The following RNF217 variants were observed in gnomAD, a reference collection of about 807,000 sequenced individuals.
RNF217 encodes ring finger protein 217.
A neutral mutation model predicts 57.8 loss-of-function variants in RNF217; 31 were observed. The ratio of observed to expected loss-of-function variants is 0.54; its 90% CI spans 0.40 to 0.72. The LOEUF (loss-of-function observed/expected upper bound fraction) is 0.72, where lower values mean the gene tolerates loss of function less well. Ranked by LOEUF, RNF217 falls within the 30% of genes least tolerant of loss-of-function variation. The pLI, the probability that RNF217 is intolerant of heterozygous loss-of-function variation, is 0.00. For synonymous variants in RNF217, 313 were observed against 294.0 expected (o/e 1.06, Z -0.66); for missense variants, 696 against 708.3 (o/e 0.98, Z 0.20).
intron 1 of RNF217, among the ~76,000 whole-genome samples, chr6:124,972,931 C>T (rs1435141234): frequency 2.0e-5 from 3 of 152,146 alleles, no homozygotes; most frequent in Non-Finnish European, 2.9e-5. Flanking sequence ...CATTAGACTA[C>T]AAAGCTTGAT....
chr6:125,046,511 T>G, intron 2 of RNF217: 1 of 446,162 alleles, frequency 2.2e-6, no homozygotes, highest in South Asian at 1.6e-5. Context: ...TTTTTGAGCC[T>G]CACCAGGTGA....
intron 1 of RNF217, among the ~76,000 whole-genome samples, chr6:125,033,891 G>C (rs374178865): frequency 3.9e-5 from 6 of 152,028 alleles, no homozygotes; most frequent in South Asian, 4.2e-4. Flanking sequence ...GCCATTCTAA[G>C]TGGTGTGAGA....
chr6:125,033,643 C>T (rs1314122697), intron 1 of RNF217, among the ~76,000 whole-genome samples: 7 of 151,754 alleles, frequency 4.6e-5, no homozygotes, highest in South Asian at 2.1e-4. Flanking sequence ...TGAATAGTGC[C>T]GCAATAAACA....
chr6:124,990,271 C>G (rs1011633407), intron 1 of RNF217, among the ~76,000 whole-genome samples: 3 of 152,142 alleles, frequency 2.0e-5, no homozygotes, highest in Admixed American at 6.5e-5. Context: ...TTTATCTTCT[C>G]TATGTATGCT....
At chr6:125,074,342 TAGA>T (rs1426274810) in intron 3 of RNF217, among the ~76,000 whole-genome samples, 2 of 143,450 alleles carry the variant, frequency 1.4e-5, no homozygotes, top group Admixed American at 7.0e-5. Context: ...GATAGATAGA[TAGA>T]TAGATAGGGA....
In RNF217 at chr6:125,084,940, T is replaced by C. The variant is rs570689738; in HGVS notation, c.*2003T>C. The C allele has an allele frequency of 6.6e-6, 1 of 152,042 alleles. No individual in the cohort carries two copies. The highest frequency in any genetic ancestry group is 6.6e-5 in the Admixed American group (1 of 15,240). The allele number at this position is 152,042 out of a possible 1,614,324, so 9.4% of individuals were successfully genotyped here. A position where few individuals can be genotyped will look rare whatever the true frequency, so the allele number is the denominator to read the frequency against. Reference sequence around the variant, plus strand: ...AAGAGTAAGGTTTCGTAAATTCATCTTTCCTGAACTTAGGCATTAGTTTGG... The same window carrying C: ...AAGAGTAAGGTTTCGTAAATTCATCCTTCCTGAACTTAGGCATTAGTTTGG... On this transcript the variant is annotated 3_prime_UTR_variant, in exon 6 of 6. Coordinates refer to ENST00000521654, the MANE Select transcript of RNF217 (RefSeq NM_001286398.3).
At chr6:125,048,137 G>C in intron 2 of RNF217, 2 of 1,239,934 alleles carry the variant, frequency 1.6e-6, no homozygotes, top group East Asian at 1.1e-4. Context: ...GCCCATACCT[G>C]TCTGGGTATT....
intron 2 of RNF217, among the ~76,000 whole-genome samples, chr6:125,049,857 G>A (rs1787244014): frequency 6.6e-6 from 1 of 151,788 alleles, no homozygotes; most frequent in Non-Finnish European, 1.5e-5. Context: ...AAGAGGAGGA[G>A]CAGGTTTGGG....
At chr6:124,990,424 A>G (rs1202992822) in intron 1 of RNF217, among the ~76,000 whole-genome samples, 2 of 152,216 alleles carry the variant, frequency 1.3e-5, no homozygotes, top group Non-Finnish European at 2.9e-5. Flanking sequence ...AATTGATTTT[A>G]TAAGAGATAT....
chr6:125,016,772 C>T (rs1430580462), intron 1 of RNF217, among the ~76,000 whole-genome samples: 3 of 131,698 alleles, frequency 2.3e-5, no homozygotes, highest in Admixed American at 1.6e-4. Context: ...CATCACACAC[C>T]GGGGCCTGTG....
intron 1 of RNF217, among the ~76,000 whole-genome samples, chr6:124,998,814 G>A (rs930539850): frequency 1.3e-5 from 2 of 152,096 alleles, no homozygotes; most frequent in African/African-American, 4.8e-5. Context: ...CAAAAATTGT[G>A]TAGTAATATT....
At chr6:125,005,017 G>A (rs1048437264) in intron 1 of RNF217, among the ~76,000 whole-genome samples, 2 of 152,150 alleles carry the variant, frequency 1.3e-5, no homozygotes, top group African/African-American at 4.8e-5. Flanking sequence ...GTTATTCCAT[G>A]ATAGAAGGGC....
chr6:125,053,964 C>T lies in RNF217; in HGVS notation c.1117-3978C>T, dbSNP rs567289515. On this transcript the variant is annotated intron_variant, in intron 2 of 5. Transcript: ENST00000521654. ...TCTGATAATATAGGAATTAGTAATA[C>T]TACCTCAGCCACTAGTCATAAATTA... 1.1e-4 allele frequency among the ~76,000 whole-genome samples: 16 copies of T among 152,196 alleles called. No individual in the cohort carries two copies. In the South Asian group the frequency reaches 3.1e-3, roughly 30 times the overall value.
chr6:125,012,735 A>G (rs776047880), intron 1 of RNF217, among the ~76,000 whole-genome samples: 10 of 152,168 alleles, frequency 6.6e-5, no homozygotes, highest in Non-Finnish European at 1.3e-4. Context: ...TGCAAGTGTC[A>G]CTAATATTTG....
Position 125,088,887 on chromosome 6 carries a change from C to T in RNF217, c.*5950C>T, listed in dbSNP as rs1267536273. On this transcript the variant is annotated 3_prime_UTR_variant, in exon 6 of 6. Coordinates refer to ENST00000521654, the MANE Select transcript of RNF217 (RefSeq NM_001286398.3). ...TTCCTTGTGAAATGATACCCACATA[C>T]TACAACATCAAGCTCCTTTTTCTCT... The T allele has an allele frequency of 6.6e-6, 1 of 152,552 alleles. No individual in the cohort carries two copies. Among genetic ancestry groups the T allele is most frequent in the Non-Finnish European group, 1.5e-5 (1 of 68,014 alleles). The allele number at this position is 152,552 out of a possible 1,614,324, so 9.4% of individuals were successfully genotyped here. A position where few individuals can be genotyped will look rare whatever the true frequency, so the allele number is the denominator to read the frequency against.
chr6:125,029,442 A>T (rs1290853035), intron 1 of RNF217, among the ~76,000 whole-genome samples: 3 of 152,284 alleles, frequency 2.0e-5, no homozygotes, highest in Non-Finnish European at 4.4e-5. Flanking sequence ...GGAGGAAATT[A>T]TTTCTTTCTT....
In RNF217 at chr6:124,962,866, G is replaced by A. The variant is rs538813282; in HGVS notation, c.322G>A (p.Glu108Lys). ...PQTLPLQLELEEEEEEAGDRK... is the reference protein window; with the variant it reads ...PQTLPLQLELKEEEEEAGDRK... Reference sequence around the variant, plus strand: ...GACCTTGCCACTGCAGTTGGAGCTGGAGGAGGAAGAGGAGGAAGCTGGGGA... The same window carrying A: ...GACCTTGCCACTGCAGTTGGAGCTGAAGGAGGAAGAGGAGGAAGCTGGGGA... Residue 108 changes from glutamate (E) to lysine (K), a missense_variant, in exon 1 of 6, where the codon GAG becomes AAG. Glu to Lys is a moderately conservative substitution (Grantham distance 56, BLOSUM62 1). Transcript: ENST00000521654. The surrounding 1 kb of genome is among the most constrained non-coding windows in gnomAD (Gnocchi z 4.6). 45 of 1,598,090 alleles carry A rather than the reference G, an allele frequency of 2.8e-5. No homozygotes were observed. The East Asian group carries it at 1.0e-3, about 36-fold the overall frequency.
intron 1 of RNF217, among the ~76,000 whole-genome samples, chr6:125,012,262 T>C (rs1441760599): frequency 6.6e-6 from 1 of 152,192 alleles, no homozygotes; most frequent in African/African-American, 2.4e-5. Flanking sequence ...GCTATCCTGG[T>C]AAGCACAACA....
At chr6:125,039,237 T>C (rs1260571274) in intron 1 of RNF217, among the ~76,000 whole-genome samples, 2 of 152,072 alleles carry the variant, frequency 1.3e-5, no homozygotes, top group African/African-American at 4.8e-5. Context: ...CATTTTTTTT[T>C]CTTTTTTAAA....
Sources: allele counts gnomAD v4.1 joint callset (sites outside exome capture counted in the v4.1 genomes callset), GRCh38; gene constraint gnomAD v4.1.1; non-coding constraint Gnocchi (gnomAD v3.1); transcripts MANE v1.5; gene names NCBI Gene and HGNC (gene_info 2026-07-23, HGNC 2026-07-21).